Variants in IL1RAPL2 observed in about 807,000 individuals in gnomAD.
IL1RAPL2 encodes the protein interleukin 1 receptor accessory protein like 2, also known as X-linked interleukin-1 receptor accessory protein-like 2.
A neutral mutation model predicts 44.1 loss-of-function variants in IL1RAPL2; 3 were observed. The ratio of observed to expected loss-of-function variants is 0.07; its 90% CI spans 0.03 to 0.18. The LOEUF is 0.18. IL1RAPL2 is among the 10% of genes least tolerant of loss of function. The pLI, the probability that IL1RAPL2 is intolerant of heterozygous loss-of-function variation, is 1.00. For synonymous variants in IL1RAPL2, 181 were observed against 178.8 expected (o/e 1.01, Z -0.10); for missense variants, 391 against 496.4 (o/e 0.79, Z 2.02).
intron 2 of IL1RAPL2, among the ~76,000 whole-genome samples, chrX:105,071,735 T>TA (rs377735768): frequency 1.2e-4 from 13 of 111,949 alleles, no homozygotes; most frequent in African/African-American, 4.2e-4. Flanking sequence ...GGCCAACTGA[T>TA]GTTTGACACA....
intron 2 of IL1RAPL2, among the ~76,000 whole-genome samples, chrX:104,971,603 C>A (rs963393232): frequency 8.1e-5 from 9 of 111,032 alleles, no homozygotes; most frequent in Admixed American, 1.9e-4. Context: ...CAATCCTAGT[C>A]TATTATAGAG....
intron 6 of IL1RAPL2, among the ~76,000 whole-genome samples, chrX:105,555,661 G>A (rs964933971): frequency 8.9e-6 from 1 of 112,110 alleles, no homozygotes; most frequent in African/African-American, 3.2e-5. Flanking sequence ...TTGAAATCCA[G>A]ATAAACTCCA....
At chrX:104,910,326 T>C (rs1381362714) in intron 2 of IL1RAPL2, among the ~76,000 whole-genome samples, 1 of 112,252 alleles carries the variant, frequency 8.9e-6, no homozygotes, top group Admixed American at 9.4e-5. Context: ...GCGTTGCTCG[T>C]GCTGGGAACT....
intron 2 of IL1RAPL2, among the ~76,000 whole-genome samples, chrX:104,785,007 A>G (rs1160375910): frequency 1.8e-5 from 2 of 110,569 alleles, no homozygotes; most frequent in African/African-American, 3.3e-5. Context: ...GACTTCAAGG[A>G]TTATCGCTCT....
chrX:104,883,206 T>C (rs1351323614), intron 2 of IL1RAPL2, among the ~76,000 whole-genome samples: 1 of 111,489 alleles, frequency 9.0e-6, no homozygotes, highest in Non-Finnish European at 1.9e-5. Flanking sequence ...GGACCCCTTT[T>C]GCTTGCTATT....
chrX:105,033,825 A>G (rs779525983), intron 2 of IL1RAPL2, among the ~76,000 whole-genome samples: 2 of 112,101 alleles, frequency 1.8e-5, no homozygotes, highest in South Asian at 7.5e-4. Flanking sequence ...GTGTTTTCCA[A>G]CTTGGTTCCA....
intron 2 of IL1RAPL2, among the ~76,000 whole-genome samples, chrX:104,686,772 G>A (rs998203310): frequency 4.5e-5 from 5 of 112,163 alleles, no homozygotes; most frequent in Non-Finnish European, 9.4e-5. Context: ...ACAGAATTGA[G>A]CAGTTGGGCC....
At chrX:105,027,604 A>G (rs763335503) in intron 2 of IL1RAPL2, among the ~76,000 whole-genome samples, 3 of 112,019 alleles carry the variant, frequency 2.7e-5, no homozygotes, top group African/African-American at 9.7e-5. Context: ...CATCAGAGAA[A>G]TGCAAATCAA....
At chrX:105,671,931 G>GT (rs1400279570) in intron 6 of IL1RAPL2, among the ~76,000 whole-genome samples, 1 of 110,474 alleles carries the variant, frequency 9.1e-6, no homozygotes, top group Non-Finnish European at 1.9e-5. Flanking sequence ...CCTCCATTCT[G>GT]TTTTTGAGCC....
intron 1 of IL1RAPL2, among the ~76,000 whole-genome samples, chrX:104,631,197 C>T (rs1929639845): frequency 8.9e-6 from 1 of 111,880 alleles, no homozygotes; most frequent in Non-Finnish European, 1.9e-5. Flanking sequence ...CATAGTATTC[C>T]ATGGTGTATA....
intron 5 of IL1RAPL2, among the ~76,000 whole-genome samples, chrX:105,373,235 A>G (rs767015864): frequency 2.7e-5 from 3 of 112,298 alleles, no homozygotes; most frequent in African/African-American, 9.7e-5. Flanking sequence ...ATGAAATCAC[A>G]TTGTGGTTTT....
intron 1 of IL1RAPL2, among the ~76,000 whole-genome samples, chrX:104,595,309 G>A (rs1928743391): frequency 9.0e-6 from 1 of 111,477 alleles, no homozygotes; most frequent in African/African-American, 3.3e-5. Context: ...GTAGCTGGCT[G>A]GAGGTGCTAT....
intron 2 of IL1RAPL2, among the ~76,000 whole-genome samples, chrX:104,812,321 A>G (rs972755824): frequency 1.8e-5 from 2 of 111,172 alleles, no homozygotes; most frequent in African/African-American, 6.6e-5. Context: ...TACTAATGCT[A>G]TATTACCATC....
chrX:104,620,727 ATT>A (rs1160454883), intron 1 of IL1RAPL2, among the ~76,000 whole-genome samples: 1 of 90,195 alleles, frequency 1.1e-5, no homozygotes, highest in Non-Finnish European at 2.1e-5. Flanking sequence ...GTAGTTGGTT[ATT>A]TTTTGTTAGT....
chrX:105,415,633 C>A (rs181752723), intron 5 of IL1RAPL2, among the ~76,000 whole-genome samples: 24 of 111,281 alleles, frequency 2.2e-4, no homozygotes, highest in African/African-American at 7.5e-4. Context: ...TTAAGCACGG[C>A]CTTTCTTAAA....
At chrX:105,618,555 A>G (rs1162234696) in intron 6 of IL1RAPL2, among the ~76,000 whole-genome samples, 1 of 111,783 alleles carries the variant, frequency 8.9e-6, no homozygotes, top group African/African-American at 3.2e-5. Flanking sequence ...TGGAGTTTAG[A>G]GTCAAAACAG....
intron 4 of IL1RAPL2, among the ~76,000 whole-genome samples, chrX:105,254,521 A>G (rs1304222951): frequency 8.9e-6 from 1 of 111,783 alleles, no homozygotes; most frequent in East Asian, 2.8e-4. Flanking sequence ...TATATTGTTG[A>G]AAGTTTCTTT....
chrX:105,218,842 T>A (rs2033896718), intron 3 of IL1RAPL2: 2 of 610,273 alleles, frequency 3.3e-6, no homozygotes, highest in East Asian at 6.6e-5. Flanking sequence ...CTCACCTCCT[T>A]CCCCCACTCT....
intron 6 of IL1RAPL2, among the ~76,000 whole-genome samples, chrX:105,673,847 T>A (rs2037845169): frequency 8.9e-6 from 1 of 112,118 alleles, no homozygotes; most frequent in Non-Finnish European, 1.9e-5. Context: ...CTTGACTTTT[T>A]AATAATGGCT....
Sources: gnomAD v4.1 joint callset for allele counts (sites outside exome capture counted in the v4.1 genomes callset) on GRCh38, gnomAD v4.1.1 for gene constraint, MANE v1.5 for transcripts, NCBI Gene and HGNC (gene_info 2026-07-23, HGNC 2026-07-21) for gene names.